Variants in ODAD2 observed in about 807,000 individuals in gnomAD.
The protein encoded by ODAD2 is outer dynein arm-docking complex subunit 2.
Under a neutral mutation model 106.8 loss-of-function variants are expected in ODAD2, and 89 were observed. The observed-to-expected ratio is 0.83, with a 90% CI of 0.70 to 0.99. The LOEUF is 0.99. ODAD2 is among the 50% of genes least tolerant of loss of function. The pLI, the probability that ODAD2 is intolerant of heterozygous loss-of-function variation, is 0.00. For synonymous variants in ODAD2, 404 were observed against 436.2 expected (o/e 0.93, Z 0.92); for missense variants, 1,168 against 1,238.5 (o/e 0.94, Z 0.85).
At chr10:27,931,318 G>A (rs916524237) in intron 16 of ODAD2, among the ~76,000 whole-genome samples, 9 of 151,198 alleles carry the variant, frequency 6.0e-5, no homozygotes, top group Non-Finnish European at 1.2e-4. Context: ...CTGTTTGGGT[G>A]AATATAATTT....
rs56059926 is a variant in ODAD2, at chr10:27,943,795, C to CAAAAAAAAAAA, written c.1743+416_1743+426dup. ...GAGCCACAGAAGTGAGGCTCTGTCTCAAAAAAAAAAAAAAAAAAAAAAAAA... is the reference window on the plus strand; with the variant it reads ...GAGCCACAGAAGTGAGGCTCTGTCTCAAAAAAAAAAAAAAAAAAAAAAAAAAAAAAAAAAAA... On this transcript the variant is annotated intron_variant, in intron 12 of 19. Coordinates refer to ENST00000305242, the MANE Select transcript of ODAD2 (RefSeq NM_018076.5). Among the ~76,000 whole-genome samples the CAAAAAAAAAAA allele has an allele frequency of 2.2e-4, 13 of 58,640 alleles. 1 individual carries two copies. The highest frequency in any genetic ancestry group is 5.9e-4 in the East Asian group (1 of 1,706). The allele number at this position is 58,640 out of a possible 152,430, so 38.5% of individuals were successfully genotyped here. A position where few individuals can be genotyped will look rare whatever the true frequency, so the allele number is the denominator to read the frequency against.
At chr10:27,901,549 T>C (rs996213787) in intron 17 of ODAD2, among the ~76,000 whole-genome samples, 1 of 152,142 alleles carries the variant, frequency 6.6e-6, no homozygotes, top group African/African-American at 2.4e-5. Flanking sequence ...CCCACCGGTG[T>C]GCTGTATTCA....
At chr10:27,972,694 C>G (rs761516242) in intron 7 of ODAD2, among the ~76,000 whole-genome samples, 1 of 152,090 alleles carries the variant, frequency 6.6e-6, no homozygotes, top group African/African-American at 2.4e-5. Flanking sequence ...AGCACACATA[C>G]TAATAGAGGA....
chr10:27,927,964 A>G (rs1845369382), intron 16 of ODAD2, among the ~76,000 whole-genome samples: 1 of 152,086 alleles, frequency 6.6e-6, no homozygotes, highest in Non-Finnish European at 1.5e-5. Flanking sequence ...CCTCTAATCT[A>G]ACTAAGCTTT....
At chr10:27,880,164 C>T (rs1841603567) in intron 17 of ODAD2, among the ~76,000 whole-genome samples, 1 of 152,098 alleles carries the variant, frequency 6.6e-6, no homozygotes, top group African/African-American at 2.4e-5. Flanking sequence ...TTATACAGGC[C>T]AGGACTCCCC....
At chr10:27,830,630 C>A (rs903254402) in intron 19 of ODAD2, among the ~76,000 whole-genome samples, 6 of 152,144 alleles carry the variant, frequency 3.9e-5, no homozygotes, top group Admixed American at 6.5e-5. Context: ...ATTGGGGGCC[C>A]CCTAAAATGA....
At chr10:27,824,628 AAATTATCTAG>A (rs1836896639) in intron 19 of ODAD2, among the ~76,000 whole-genome samples, 1 of 152,248 alleles carries the variant, frequency 6.6e-6, no homozygotes, top group Non-Finnish European at 1.5e-5. Flanking sequence ...GACATGAATT[AAATTATCTAG>A]AACGATCCAT....
intron 7 of ODAD2, among the ~76,000 whole-genome samples, chr10:27,975,411 C>A (rs563731204): frequency 3.9e-5 from 6 of 152,078 alleles, no homozygotes; most frequent in South Asian, 4.2e-4. Flanking sequence ...AACAAAAAAA[C>A]CACAAATGAC....
intron 16 of ODAD2, among the ~76,000 whole-genome samples, chr10:27,922,875 C>T (rs1401922027): frequency 6.6e-6 from 1 of 151,944 alleles, no homozygotes; most frequent in African/African-American, 2.4e-5. Flanking sequence ...CACTGCACTC[C>T]AACCTGGGCA....
rs545398963 is a variant in ODAD2, at chr10:27,995,121, A to G, written c.22T>C (p.Leu8=). The change falls in exon 2 of 20, where the codon TTG becomes CTG. Residue 8 remains leucine, a synonymous_variant. Transcript: ENST00000305242. MGVALRK[L]TQWTAAGHGT... ...TGTCCGGCAGCAGTCCACTGCGTCAATTTCCTCAGAGCCACACCCATGGGA... is the reference window on the plus strand; with the variant it reads ...TGTCCGGCAGCAGTCCACTGCGTCAGTTTCCTCAGAGCCACACCCATGGGA... The G allele has an allele frequency of 2.2e-5, 36 of 1,614,086 alleles. No homozygotes were observed. Among genetic ancestry groups the G allele is most frequent in the Non-Finnish European group, 3.0e-5 (35 of 1,180,012 alleles).
Position 27,912,370 on chromosome 10 carries a change from T to G in ODAD2, c.2496-4593A>C, listed in dbSNP as rs368272847. ...TGCCTGGCTGGCAAAATAACAGCTC[T>G]AGAAAGATGAATACATGTACGTGCT... On this transcript the variant is annotated intron_variant, in intron 16 of 19. Coordinates refer to ENST00000305242, the MANE Select transcript of ODAD2 (RefSeq NM_018076.5). Among the ~76,000 whole-genome samples the G allele has an allele frequency of 5.3e-5, 8 of 152,252 alleles. No homozygotes were observed. In the East Asian group the frequency reaches 1.4e-3, roughly 26 times the overall value.
At chr10:27,955,803 G>C (rs1472778485) in intron 10 of ODAD2, among the ~76,000 whole-genome samples, 1 of 150,880 alleles carries the variant, frequency 6.6e-6, no homozygotes, top group East Asian at 2.0e-4. Context: ...CTTTAACAAA[G>C]GTTTTCAAGT....
chr10:27,951,089 CT>C (rs1260850934), intron 10 of ODAD2, among the ~76,000 whole-genome samples: 24 of 152,042 alleles, frequency 1.6e-4, no homozygotes, highest in Admixed American at 1.6e-3. Flanking sequence ...TGGAAAAAAG[CT>C]ATTAAATATT....
intron 19 of ODAD2, among the ~76,000 whole-genome samples, chr10:27,848,735 G>T (rs919527579): frequency 6.6e-6 from 1 of 152,008 alleles, no homozygotes; most frequent in Non-Finnish European, 1.5e-5. Flanking sequence ...TCAAAAAGTG[G>T]GCAAAGGATA....
intron 19 of ODAD2, among the ~76,000 whole-genome samples, chr10:27,821,378 A>G (rs1219585730): frequency 6.6e-6 from 1 of 152,244 alleles, no homozygotes; most frequent in Non-Finnish European, 1.5e-5. Context: ...CAAATTGAAT[A>G]AGGTTATGTT....
chr10:27,888,209 C>G lies in ODAD2; in HGVS notation c.2610+19454G>C, dbSNP rs368644776. Among the ~76,000 whole-genome samples the G allele has an allele frequency of 3.9e-5, 6 of 152,178 alleles. No homozygotes were observed. In the East Asian group the frequency reaches 9.7e-4, roughly 25 times the overall value. ...GGTATTGCCAGATCAAATGGTAGTT[C>G]TATTTTTAGTTCTTTGAGAAATCTC... On this transcript the variant is annotated intron_variant, in intron 17 of 19. Coordinates refer to ENST00000305242, the MANE Select transcript of ODAD2 (RefSeq NM_018076.5).
At chr10:27,838,475 T>C (rs1303550836) in intron 19 of ODAD2, among the ~76,000 whole-genome samples, 1 of 152,204 alleles carries the variant, frequency 6.6e-6, no homozygotes, top group Non-Finnish European at 1.5e-5. Flanking sequence ...AAAGAATATA[T>C]TTCTCACAAG....
At chr10:27,928,428 C>T (rs1845399005) in intron 16 of ODAD2, among the ~76,000 whole-genome samples, 1 of 151,962 alleles carries the variant, frequency 6.6e-6, no homozygotes, top group African/African-American at 2.4e-5. Flanking sequence ...ATGATGATCC[C>T]CTAACAAGGT....
chr10:27,931,304 T>G (rs1412309794), intron 16 of ODAD2, among the ~76,000 whole-genome samples: 2 of 152,150 alleles, frequency 1.3e-5, no homozygotes, highest in Admixed American at 6.6e-5. Flanking sequence ...TTGTGGCCAT[T>G]CCCCTGTTTG....
Sources: gnomAD v4.1 joint callset for allele counts (sites outside exome capture counted in the v4.1 genomes callset) on GRCh38, gnomAD v4.1.1 for gene constraint, MANE v1.5 for transcripts, NCBI Gene and HGNC (gene_info 2026-07-23, HGNC 2026-07-21) for gene names.